The following ZFAT variants were observed in gnomAD, a reference collection of about 807,000 sequenced individuals.
ZFAT encodes the protein zinc finger and AT-hook domain containing.
A neutral mutation model predicts 117.7 loss-of-function variants in ZFAT; 64 were observed. The ratio of observed to expected loss-of-function variants is 0.54; its 90% CI spans 0.44 to 0.67. The LOEUF (loss-of-function observed/expected upper bound fraction) is 0.67, where lower values mean the gene tolerates loss of function less well. ZFAT is among the 30% of genes least tolerant of loss of function. ZFAT has a pLI of 0.00. For missense variants in ZFAT, 1,433 were observed against 1,584.5 expected (o/e 0.90, Z 1.62); for synonymous variants, 679 against 615.0 (o/e 1.10, Z -1.54).
chr8:134,776,249 A>G, the ZFAT span, among the ~76,000 whole-genome samples: 1 of 152,108 alleles, frequency 6.6e-6, no homozygotes, highest in Admixed American at 6.5e-5. Flanking sequence ...TCCAAGGCCA[A>G]TGTTCTTCCT....
chr8:134,648,804 T>C (rs1340542760), intron 2 of ZFAT, among the ~76,000 whole-genome samples: 1 of 152,014 alleles, frequency 6.6e-6, no homozygotes. Flanking sequence ...ACTATTACCC[T>C]GAAACCAAAA....
intron 12 of ZFAT, 120 bp from the exon 13 acceptor site, chr8:134,521,121 T>C (rs1423154758): frequency 1.5e-6 from 1 of 683,916 alleles, no homozygotes; most frequent in Non-Finnish European, 2.5e-6. Context: ...CCAGCACTTG[T>C]ATTCAATTCA....
chr8:134,708,762 G>A (rs547633548), intron 1 of ZFAT, among the ~76,000 whole-genome samples: 2 of 152,252 alleles, frequency 1.3e-5, no homozygotes, highest in East Asian at 3.9e-4. Context: ...AAACCAGCCT[G>A]ACCAACATGG....
chr8:134,831,382 A>T, the ZFAT span, among the ~76,000 whole-genome samples: 3 of 152,204 alleles, frequency 2.0e-5, no homozygotes, highest in Non-Finnish European at 4.4e-5. Flanking sequence ...TTAGTCCTAA[A>T]ATAACCATAA....
chr8:134,567,146 C>T (rs1001321597), intron 10 of ZFAT, among the ~76,000 whole-genome samples: 1 of 152,226 alleles, frequency 6.6e-6, no homozygotes, highest in East Asian at 1.9e-4. Context: ...AGCCACTTAG[C>T]TGTCCCAAAT....
intron 3 of ZFAT, among the ~76,000 whole-genome samples, chr8:134,630,711 GA>G (rs138220948): frequency 2.6e-5 from 4 of 151,066 alleles, no homozygotes; most frequent in South Asian, 2.1e-4. Context: ...ATAACTACAG[GA>G]AAAAAAAATC....
chr8:134,644,199 C>T (rs1343103386), intron 2 of ZFAT, among the ~76,000 whole-genome samples: 1 of 152,104 alleles, frequency 6.6e-6, no homozygotes, highest in East Asian at 1.9e-4. Flanking sequence ...AGCCCCAGCA[C>T]CTAGCACAGC....
intron 15 of ZFAT, among the ~76,000 whole-genome samples, chr8:134,498,024 T>A (rs1187729667): frequency 4.5e-5 from 6 of 132,544 alleles, no homozygotes; most frequent in African/African-American, 1.8e-4. Context: ...TTTGGTAGGG[T>A]TGGGGTGGAG....
At chr8:134,604,011 C>G (rs748680935) in intron 5 of ZFAT, among the ~76,000 whole-genome samples, 1 of 152,190 alleles carries the variant, frequency 6.6e-6, no homozygotes, top group Non-Finnish European at 1.5e-5. Flanking sequence ...TTTGTTAACA[C>G]CTGCCAATGT....
At chr8:134,483,289 G>A (rs919432592) in intron 15 of ZFAT, among the ~76,000 whole-genome samples, 5 of 152,124 alleles carry the variant, frequency 3.3e-5, no homozygotes, top group Admixed American at 2.6e-4. Flanking sequence ...TGGGGACACT[G>A]AAGCTCCTCC....
At chr8:134,514,203 G>A (rs1314937840) in intron 13 of ZFAT, among the ~76,000 whole-genome samples, 1 of 152,220 alleles carries the variant, frequency 6.6e-6, no homozygotes, top group Non-Finnish European at 1.5e-5. Context: ...TGAGTATGGA[G>A]TCAACTACCC....
At chr8:134,679,573 A>C (rs934799267) in intron 1 of ZFAT, among the ~76,000 whole-genome samples, 4 of 152,226 alleles carry the variant, frequency 2.6e-5, no homozygotes, top group Non-Finnish European at 5.9e-5. Context: ...TTGACCCAGC[A>C]ATCCCATTAC....
chr8:134,674,165 T>A (rs1197189752), intron 1 of ZFAT, among the ~76,000 whole-genome samples: 5 of 151,694 alleles, frequency 3.3e-5, no homozygotes, highest in African/African-American at 9.7e-5. Context: ...GCACAAGGGG[T>A]CGGGAGATTT....
At chr8:134,497,228 A>C (rs1258585640) in intron 15 of ZFAT, among the ~76,000 whole-genome samples, 2 of 152,236 alleles carry the variant, frequency 1.3e-5, no homozygotes, top group Non-Finnish European at 2.9e-5. Flanking sequence ...AGGATTTTAA[A>C]GTAAGGGTTG....
chr8:134,546,585 A>G (rs1822713043), intron 11 of ZFAT, among the ~76,000 whole-genome samples: 2 of 152,310 alleles, frequency 1.3e-5, no homozygotes, highest in East Asian at 1.9e-4. Context: ...GGATGAAGTG[A>G]TAGCTTCTTC....
intron 1 of ZFAT, among the ~76,000 whole-genome samples, chr8:134,709,004 C>T (rs553679107): frequency 6.6e-5 from 10 of 152,240 alleles, no homozygotes; most frequent in South Asian, 4.1e-4. Flanking sequence ...AAAAATTACT[C>T]GGCTGGGCAC....
At chr8:134,610,267 A>G (rs1237082169) in intron 4 of ZFAT, among the ~76,000 whole-genome samples, 3 of 152,242 alleles carry the variant, frequency 2.0e-5, no homozygotes, top group African/African-American at 7.2e-5. Context: ...CCCTCACAGC[A>G]GCCCTCACAG....
At chr8:134,749,840 T>C in the ZFAT span, among the ~76,000 whole-genome samples, 1 of 152,196 alleles carries the variant, frequency 6.6e-6, no homozygotes, top group African/African-American at 2.4e-5. Context: ...TTTATTGTAT[T>C]TTTCCCCTCA....
the ZFAT span, chr8:134,793,589 G>T: frequency 1.3e-5 from 2 of 152,202 alleles, no homozygotes; most frequent in East Asian, 3.8e-4. Context: ...TCACAACAGG[G>T]TCTGTGCTCC....
Sources: allele counts gnomAD v4.1 joint callset (sites outside exome capture counted in the v4.1 genomes callset), GRCh38; gene constraint gnomAD v4.1.1; transcripts MANE v1.5; gene names NCBI Gene and HGNC (gene_info 2026-07-23, HGNC 2026-07-21).